Variants in THAP3 observed in about 807,000 individuals in gnomAD.
THAP3 encodes THAP domain containing 3, also known as THAP domain-containing protein 3.
In THAP3, 12 loss-of-function variants were observed where a neutral mutation model predicts 17.7. The ratio of observed to expected loss-of-function variants is 0.68; its 90% CI spans 0.43 to 1.10. The LOEUF is 1.10. THAP3 is among the 50% of genes least tolerant of loss of function. The pLI is 0.00. For synonymous variants in THAP3, 133 were observed against 126.9 expected, an observed-to-expected ratio of 1.05 and a Z score of -0.32; for missense variants, 289 against 318.0, an observed-to-expected ratio of 0.91 and a Z score of 0.69.
chr1:6,630,469 A>G (rs971604970), intron 4 of THAP3, 116 bp downstream of exon 4: 3 of 985,804 alleles, frequency 3.0e-6, no homozygotes, highest in African/African-American at 3.2e-5. Context: ...CTCATATGCC[A>G]GTTTGGATTC....
At position 6,625,290 on chromosome 1, in the gene THAP3, C is replaced by G. The variant is rs1390009464; in HGVS notation, c.72C>G (p.His24Gln). ...YSSRRKQLTF[H>Q]RFPFSRPELL... ...GCCGCAGGAAGCAGCTCACCTTCCA[C>G]CGGTAAGAGGCGGGGACCCGGGGGC... is the stretch of plus-strand genomic sequence containing the variant. Residue 24 changes from histidine to glutamine, a missense_variant and splice_region_variant, in exon 2 of 6, where the codon CAC (histidine) becomes CAG (glutamine). Coordinates refer to ENST00000054650, the MANE Select transcript of THAP3 (RefSeq NM_001195753.2). 5.2e-6 allele frequency: 8 copies of G among 1,539,908 alleles called. No homozygotes were observed. The highest frequency in any genetic ancestry group is 7.0e-6 in the Non-Finnish European group (8 of 1,145,150).
chr1:6,630,234 C>G (rs1419218175), intron 3 of THAP3, 54 bp from the exon 4 acceptor site: 2 of 1,549,232 alleles, frequency 1.3e-6, no homozygotes, highest in Non-Finnish European at 1.8e-6. Flanking sequence ...GAGGCCTGCC[C>G]CGAGCTCTGA....
At chr1:6,625,356 G>T in intron 2 of THAP3, 64 bp downstream of exon 2, 1 of 1,426,922 alleles carries the variant, frequency 7.0e-7, no homozygotes, top group Non-Finnish European at 9.2e-7. Context: ...CGACTCCGAG[G>T]CCTTGGCGCG....
At chr1:6,629,910 C>A (rs905146495) in intron 3 of THAP3, among the ~76,000 whole-genome samples, 1 of 152,170 alleles carries the variant, frequency 6.6e-6, no homozygotes, top group African/African-American at 2.4e-5. Context: ...GTGGGCCCCA[C>A]CCCAGTGTGG....
Position 6,633,193 on chromosome 1 carries a change from C to T in THAP3, c.*116C>T, listed in dbSNP as rs1641676614. The T allele has an allele frequency of 2.0e-6, 3 of 1,465,868 alleles. No homozygotes were observed. Among genetic ancestry groups the T allele is most frequent in the Admixed American group, 2.7e-5 (1 of 37,658 alleles). The allele number at this position is 1,465,868 out of a possible 1,614,324, so 90.8% of individuals were successfully genotyped here. Reference sequence around the variant, plus strand: ...ACACTGAGAAAGTTGGCCATGAGGCCTGCTTGGCCGGGGATCGAGACAGTA... The same window carrying T: ...ACACTGAGAAAGTTGGCCATGAGGCTTGCTTGGCCGGGGATCGAGACAGTA... On this transcript the variant is annotated 3_prime_UTR_variant, in exon 6 of 6. Transcript: ENST00000054650.
chr1:6,634,605 C>G (rs756421137), downstream of THAP3: 1 of 1,366,352 alleles, frequency 7.3e-7, no homozygotes, highest in Non-Finnish European at 9.8e-7. Context: ...CCCCGAGAGA[C>G]AGGCCTCACG....
At chr1:6,634,015 CT>C, downstream of THAP3, 1 of 1,612,940 alleles carries the variant, frequency 6.2e-7, no homozygotes, top group Non-Finnish European at 8.5e-7. Flanking sequence ...CTATTTATTT[CT>C]CAGGCAATGT....
intron 2 of THAP3, among the ~76,000 whole-genome samples, chr1:6,625,826 A>T (rs141616104): frequency 2.4e-3 from 369 of 152,150 alleles, no homozygotes; most frequent in Non-Finnish European, 4.7e-3. Flanking sequence ...TCACGGCACC[A>T]TTTCTCTACC....
chr1:6,628,445 T>C (rs1641519637), intron 2 of THAP3, 54 bp from the exon 3 acceptor site: 3 of 1,494,988 alleles, frequency 2.0e-6, no homozygotes, highest in Non-Finnish European at 1.8e-6. Context: ...CGAATGACTC[T>C]GAGGCGCTGG....
chr1:6,630,235 C>T (rs1163144971), intron 3 of THAP3, 53 bp from the exon 4 acceptor site: 14 of 1,556,296 alleles, frequency 9.0e-6, no homozygotes, highest in Middle Eastern at 1.7e-4. Context: ...AGGCCTGCCC[C>T]GAGCTCTGAG....
Position 6,625,309 on chromosome 1 carries a change from C to T in THAP3, c.74+17C>T. 2 of 1,524,508 alleles carry T rather than the reference C, an allele frequency of 1.3e-6. No individual in the cohort carries two copies. Among genetic ancestry groups the T allele is most frequent in the Non-Finnish European group, 1.8e-6 (2 of 1,138,180 alleles). The allele number at this position is 1,524,508 out of a possible 1,614,324, so 94.4% of individuals were successfully genotyped here. On this transcript the variant is annotated intron_variant, in intron 2 of 5. Transcript: ENST00000054650. ...CTTCCACCGGTAAGAGGCGGGGACCCGGGGGCGCGGGAGGCCCAGACCCGG... is the reference window on the plus strand; with the variant it reads ...CTTCCACCGGTAAGAGGCGGGGACCTGGGGGCGCGGGAGGCCCAGACCCGG...
At position 6,633,520 on chromosome 1, in the gene THAP3, C is replaced by T. The variant is rs892107990; in HGVS notation, c.*443C>T. ...GGGTTCTAAGGAGTGACTCCTGTCCCGGCCTGGTGTGAGTGGGCAGTGTAA... is the reference window on the plus strand; with the variant it reads ...GGGTTCTAAGGAGTGACTCCTGTCCTGGCCTGGTGTGAGTGGGCAGTGTAA... On this transcript the variant is annotated 3_prime_UTR_variant, in exon 6 of 6. Transcript: ENST00000054650. 40 of 1,099,066 alleles carry T rather than the reference C, an allele frequency of 3.6e-5. No homozygotes were observed. The highest frequency in any genetic ancestry group is 2.7e-4 in the South Asian group (10 of 37,346). The allele number at this position is 1,099,066 out of a possible 1,614,324, so 68.1% of individuals were successfully genotyped here.
At position 6,628,516 on chromosome 1, in the gene THAP3, C is replaced by T. The variant is rs759848734; in HGVS notation, c.92C>T (p.Pro31Leu). ...LTFHRFPFSR[P>L]ELLKEWVLNI... ...GCCCTTAGGTTTCCGTTCAGCCGCC[C>T]GGAGCTGCTGAAGGAATGGGTGCTG... Residue 31 changes from proline (P) to leucine (L), a missense_variant, in exon 3 of 6, where the codon CCG becomes CTG. Transcript: ENST00000054650. The T allele has an allele frequency of 1.2e-5, 19 of 1,612,768 alleles. No homozygotes were observed. Among genetic ancestry groups the T allele is most frequent in the South Asian group, 1.1e-4 (10 of 90,882 alleles).
chr1:6,625,964 A>G (rs1641459991), intron 2 of THAP3, among the ~76,000 whole-genome samples: 1 of 152,186 alleles, frequency 6.6e-6, no homozygotes, highest in South Asian at 2.1e-4. Context: ...AAATGCACGA[A>G]TCATAAGTAT....
At position 6,631,507 on chromosome 1, in the gene THAP3, G is replaced by A. The variant is rs534397701; in HGVS notation, c.334-884G>A. On this transcript the variant is annotated intron_variant, in intron 4 of 5. Coordinates refer to ENST00000054650, the MANE Select transcript of THAP3 (RefSeq NM_001195753.2). ...AGCCGGGCTGGGCGCAGTGGCTTGC[G>A]TCTGTATTCCCAGCACTTTGGGAGG... Among the ~76,000 whole-genome samples the A allele has an allele frequency of 5.9e-5, 9 of 152,136 alleles. No homozygotes were observed. The East Asian group carries it at 7.7e-4, about 13-fold the overall frequency.
chr1:6,632,123 C>G (rs960423588), intron 4 of THAP3, among the ~76,000 whole-genome samples: 1 of 143,808 alleles, frequency 7.0e-6, no homozygotes, highest in East Asian at 2.1e-4. Flanking sequence ...GGCTGAGGCA[C>G]GAGAATCACC....
chr1:6,630,223 C>T (rs964428427), intron 3 of THAP3, 65 bp from the exon 4 acceptor site: 15 of 1,453,344 alleles, frequency 1.0e-5, no homozygotes, highest in South Asian at 4.6e-5. Context: ...GCATGATGCC[C>T]GAGGCCTGCC....
intron 4 of THAP3, among the ~76,000 whole-genome samples, chr1:6,630,597 C>T (rs779141455): frequency 3.3e-5 from 5 of 152,072 alleles, no homozygotes; most frequent in Non-Finnish European, 7.4e-5. Flanking sequence ...TTTTTTGAGA[C>T]TGAGTCTCGC....
chr1:6,629,459 G>C (rs910695420), intron 3 of THAP3, among the ~76,000 whole-genome samples: 6 of 152,222 alleles, frequency 3.9e-5, no homozygotes, highest in Admixed American at 2.6e-4. Flanking sequence ...ACCCTTCCCA[G>C]ATAGCCTCAT....
Sources: gnomAD v4.1 joint callset for allele counts (sites outside exome capture counted in the v4.1 genomes callset) on GRCh38, gnomAD v4.1.1 for gene constraint, MANE v1.5 for transcripts, NCBI Gene and HGNC (gene_info 2026-07-23, HGNC 2026-07-21) for gene names.